The following ZEB1 variants were observed in gnomAD, a reference collection of about 807,000 sequenced individuals.
The protein encoded by ZEB1 is zinc finger E-box-binding homeobox 1.
A neutral mutation model predicts 84.9 loss-of-function variants in ZEB1; 21 were observed. The observed-to-expected ratio is 0.25, with a 90% CI of 0.18 to 0.36. The LOEUF is 0.36. ZEB1 is among the 10% of genes least tolerant of loss of function. ZEB1 has a pLI of 1.00. For missense variants in ZEB1, 1,104 were observed against 1,330.2 expected, an observed-to-expected ratio of 0.83 and a Z score of 2.65; for synonymous variants, 420 against 471.1, an observed-to-expected ratio of 0.89 and a Z score of 1.41.
intron 1 of ZEB1, among the ~76,000 whole-genome samples, chr10:31,418,363 T>C (rs1455635738): frequency 6.6e-6 from 1 of 151,826 alleles, no homozygotes; most frequent in Non-Finnish European, 1.5e-5. Flanking sequence ...AAGGCCAGAA[T>C]GTAGATTTGT....
intron 1 of ZEB1, among the ~76,000 whole-genome samples, chr10:31,365,514 A>G (rs903183368): frequency 6.6e-6 from 1 of 152,358 alleles, no homozygotes; most frequent in South Asian, 2.1e-4. Context: ...TTATAACTGT[A>G]CATACCTTTT....
chr10:31,346,494 A>G (rs1384233599), intron 1 of ZEB1, among the ~76,000 whole-genome samples: 6 of 152,116 alleles, frequency 3.9e-5, no homozygotes, highest in Non-Finnish European at 8.8e-5. Flanking sequence ...TTTAAATTAG[A>G]TGGCTTTGGG....
intron 1 of ZEB1, chr10:31,321,031 C>G: frequency 1.8e-6 from 1 of 549,222 alleles, no homozygotes. Context: ...GCAATAAATG[C>G]GTCTATAATG....
At chr10:31,477,211 A>G (rs546339286) in intron 2 of ZEB1, among the ~76,000 whole-genome samples, 1 of 152,204 alleles carries the variant, frequency 6.6e-6, no homozygotes, top group Admixed American at 6.6e-5. Context: ...TTTAGGATAT[A>G]GAATGAATGT....
At chr10:31,407,995 C>A (rs1029471744) in intron 1 of ZEB1, among the ~76,000 whole-genome samples, 5 of 147,964 alleles carry the variant, frequency 3.4e-5, no homozygotes, top group African/African-American at 1.2e-4. Context: ...CTAGAAAACC[C>A]CATTGTCTCA....
intron 1 of ZEB1, chr10:31,355,033 A>C (rs1332989199): frequency 6.6e-6 from 1 of 152,190 alleles, no homozygotes. Context: ...CTTTGTTATT[A>C]AAAGTTCTTT....
intron 1 of ZEB1, among the ~76,000 whole-genome samples, chr10:31,322,718 G>C (rs12247408): frequency 0.014 from 2,164 of 149,666 alleles, 51 homozygotes; most frequent in African/African-American, 0.051. Flanking sequence ...TTCTTTTTCT[G>C]CTTTCTTCTA....
intron 8 of ZEB1, 104 bp downstream of exon 8, chr10:31,524,217 T>A (rs1170922171): frequency 3.5e-5 from 44 of 1,242,382 alleles, no homozygotes; most frequent in Middle Eastern, 2.8e-4. Context: ...TTTTTTTTTT[T>A]ATTTTGTTTT....
chr10:31,346,436 A>G (rs529122264), intron 1 of ZEB1, among the ~76,000 whole-genome samples: 2 of 152,268 alleles, frequency 1.3e-5, no homozygotes, highest in South Asian at 4.1e-4. Context: ...AATTTGAATG[A>G]AATAGTACCT....
intron 2 of ZEB1, among the ~76,000 whole-genome samples, chr10:31,465,461 T>C (rs77802684): frequency 5.4e-5 from 8 of 148,122 alleles, no homozygotes; most frequent in African/African-American, 2.0e-4. Context: ...TTGCAAAAAA[T>C]ATATATATAT....
At chr10:31,373,193 T>TTGTGTGTG (rs527915359) in intron 1 of ZEB1, 1 of 844,476 alleles carries the variant, frequency 1.2e-6, no homozygotes, top group African/African-American at 1.8e-5. Context: ...TTCATTTAAA[T>TTGTGTGTG]TGTGTGTGTG....
rs950270775 is a variant in ZEB1 at position 31,372,331 on chromosome 10, A to G, written c.58+53039A>G. 3.9e-5 allele frequency among the ~76,000 whole-genome samples: 6 copies of G among 152,114 alleles called. No homozygotes were observed. The East Asian group carries it at 1.2e-3, about 29-fold the overall frequency. ...CTGAGATATATCTTAACATTTGGGA[A>G]TAATTTAATGTGTCTAATACTTGAG... On this transcript the variant is annotated intron_variant, in intron 1 of 8. Transcript: ENST00000424869.
At position 31,502,452 on chromosome 10, in the gene ZEB1, G is replaced by T; in HGVS notation, c.427G>T (p.Ala143Ser). 1 of 1,613,856 alleles carries T rather than the reference G, an allele frequency of 6.2e-7. No individual in the cohort carries two copies. The highest frequency in any genetic ancestry group is 8.5e-7 in the Non-Finnish European group (1 of 1,179,834). The change falls in exon 4 of 9, where the codon GCA (alanine) becomes TCA (serine). Residue 143 changes from alanine to serine, a missense_variant. This residue lies in a region of ZEB1 where 162 missense variants were observed against 184.5 expected (regional missense o/e 0.88). Coordinates refer to ENST00000424869, the MANE Select transcript of ZEB1 (RefSeq NM_001174096.2). ...AGACACTGCTGTCATTTTTCCTGAGGCACCTGAAGAGGACCAGAGGCAGGG... is the reference window on the plus strand; with the variant it reads ...AGACACTGCTGTCATTTTTCCTGAGTCACCTGAAGAGGACCAGAGGCAGGG... ...QQDTAVIFPE[A>S]PEEDQRQGTP...
At chr10:31,463,863 A>G (rs997144243) in intron 2 of ZEB1, among the ~76,000 whole-genome samples, 2 of 152,212 alleles carry the variant, frequency 1.3e-5, no homozygotes, top group African/African-American at 4.8e-5. Context: ...AAGTCTCCCA[A>G]ATAATTTAGC....
intron 1 of ZEB1, among the ~76,000 whole-genome samples, chr10:31,327,099 C>CTTTTTT (rs71527629): frequency 3.8e-3 from 320 of 84,880 alleles, no homozygotes; most frequent in East Asian, 0.013. Flanking sequence ...CTTTTCTTTT[C>CTTTTTT]TTTTTTTTTT....
At chr10:31,482,148 C>G (rs1424763295) in intron 2 of ZEB1, among the ~76,000 whole-genome samples, 1 of 151,964 alleles carries the variant, frequency 6.6e-6, no homozygotes, top group Non-Finnish European at 1.5e-5. Flanking sequence ...GATAATATCA[C>G]CAGTAATAAG....
chr10:31,440,732 C>CA (rs2058840235), intron 1 of ZEB1, among the ~76,000 whole-genome samples: 1 of 151,742 alleles, frequency 6.6e-6, no homozygotes, highest in Admixed American at 6.6e-5. Context: ...AATCTATGGG[C>CA]AAAATCACAA....
intron 3 of ZEB1, among the ~76,000 whole-genome samples, chr10:31,499,212 C>T (rs1377434831): frequency 6.6e-6 from 1 of 152,058 alleles, no homozygotes; most frequent in Non-Finnish European, 1.5e-5. Flanking sequence ...AAGACTTTAC[C>T]AATAGTTATT....
chr10:31,511,303 C>T (rs1007489272), intron 5 of ZEB1, among the ~76,000 whole-genome samples: 1 of 152,136 alleles, frequency 6.6e-6, no homozygotes, highest in African/African-American at 2.4e-5. Context: ...GAACCAGTTA[C>T]TATTTATTCT....
Sources: gnomAD v4.1 joint callset for allele counts (sites outside exome capture counted in the v4.1 genomes callset) on GRCh38, gnomAD v4.1.1 for gene constraint, gnomAD v4.1.1 regional missense constraint, MANE v1.5 for transcripts, NCBI Gene and HGNC (gene_info 2026-07-23, HGNC 2026-07-21) for gene names.